Variants in FHIT observed in about 807,000 individuals in gnomAD.
FHIT encodes the protein bis(5'-adenosyl)-triphosphatase.
Under a neutral mutation model 17.9 loss-of-function variants are expected in FHIT, and 19 were observed. The ratio of observed to expected loss-of-function variants is 1.06; its 90% CI spans 0.74 to 1.56. FHIT has a LOEUF of 1.56. FHIT is among the 40% of genes most tolerant of loss of function. FHIT has a pLI of 0.00. For synonymous variants in FHIT, 81 were observed against 69.7 expected (o/e 1.16, Z -0.81); for missense variants, 248 against 189.2 (o/e 1.31, Z -1.82).
chr3:60,343,268 G>C (rs1710615519), intron 5 of FHIT, among the ~76,000 whole-genome samples: 5 of 152,094 alleles, frequency 3.3e-5, no homozygotes, highest in African/African-American at 7.2e-5. Flanking sequence ...CTGCAATTCT[G>C]CAAGTGTAGG....
intron 7 of FHIT, among the ~76,000 whole-genome samples, chr3:59,936,125 G>C (rs926902279): frequency 6.6e-6 from 1 of 152,042 alleles, no homozygotes; most frequent in Admixed American, 6.5e-5. Context: ...GGATATATTT[G>C]TTCTTCAGTA....
At chr3:60,778,255 G>C (rs952606189) in intron 4 of FHIT, among the ~76,000 whole-genome samples, 3 of 152,122 alleles carry the variant, frequency 2.0e-5, no homozygotes, top group African/African-American at 7.2e-5. Context: ...TGTCAGTCGT[G>C]TTTCTAATTG....
chr3:60,614,939 C>A (rs1282195501), intron 4 of FHIT, among the ~76,000 whole-genome samples: 1 of 148,062 alleles, frequency 6.8e-6, no homozygotes, highest in Non-Finnish European at 1.5e-5. Context: ...AAGCAATTCT[C>A]CTGCCTCAGT....
intron 7 of FHIT, among the ~76,000 whole-genome samples, chr3:59,963,562 T>C (rs1195043992): frequency 6.6e-6 from 1 of 152,128 alleles, no homozygotes; most frequent in African/African-American, 2.4e-5. Context: ...AAAATGAACA[T>C]TCACAGAGCG....
intron 3 of FHIT, among the ~76,000 whole-genome samples, chr3:60,879,326 A>G (rs1398051360): frequency 2.0e-5 from 3 of 152,300 alleles, no homozygotes; most frequent in East Asian, 1.9e-4. Context: ...AGCTGAAGAA[A>G]CTGCATAGAT....
At position 60,656,521 on chromosome 3, in the gene FHIT, C is replaced by T. The variant is rs114155278; in HGVS notation, c.-17-119542G>A. ...CAGACTCTCCATTCAAACGCACATC[C>T]TCCTCCTCTCTCCAAAGGGAATGGA... On this transcript the variant is annotated intron_variant, in intron 4 of 9. Transcript: ENST00000492590. 2.4e-3 allele frequency among the ~76,000 whole-genome samples: 361 copies of T among 152,254 alleles called. 2 individuals are homozygous for T. Among genetic ancestry groups the T allele is most frequent in the African/African-American group, 8.3e-3 (345 of 41,558 alleles).
At chr3:60,738,731 A>G (rs1388583142) in intron 4 of FHIT, among the ~76,000 whole-genome samples, 1 of 152,226 alleles carries the variant, frequency 6.6e-6, no homozygotes, top group Non-Finnish European at 1.5e-5. Flanking sequence ...ATGAGAGAAT[A>G]AGACCTCTGA....
At chr3:61,055,005 T>C (rs1472803285) in intron 2 of FHIT, among the ~76,000 whole-genome samples, 1 of 152,214 alleles carries the variant, frequency 6.6e-6, no homozygotes, top group Admixed American at 6.5e-5. Flanking sequence ...TTCCCTGCTT[T>C]GGAACAGGGC....
chr3:60,971,522 C>CT (rs34982675), intron 3 of FHIT, among the ~76,000 whole-genome samples: 43,225 of 147,974 alleles, frequency 0.29, 6,410 homozygotes, highest in Non-Finnish European at 0.34. Flanking sequence ...CTCCCTCAAT[C>CT]TTTTTTTTTT....
intron 5 of FHIT, among the ~76,000 whole-genome samples, chr3:60,471,817 C>G (rs1003727940): frequency 3.9e-5 from 6 of 152,166 alleles, no homozygotes; most frequent in African/African-American, 1.2e-4. Context: ...CACCCCACCC[C>G]TCTCACATTC....
chr3:61,238,235 T>C (rs1434918840), intron 1 of FHIT, among the ~76,000 whole-genome samples: 2 of 152,222 alleles, frequency 1.3e-5, no homozygotes, highest in African/African-American at 4.8e-5. Context: ...GGATGAAGTC[T>C]GCAGTTTCTG....
chr3:60,517,028 CAG>C (rs1251408305), intron 5 of FHIT, among the ~76,000 whole-genome samples: 4 of 152,272 alleles, frequency 2.6e-5, no homozygotes, highest in South Asian at 2.1e-4. Context: ...TCACATCAGA[CAG>C]GGGAAATTCT....
chr3:60,137,089 T>C (rs1393449250), intron 5 of FHIT, among the ~76,000 whole-genome samples: 2 of 152,186 alleles, frequency 1.3e-5, no homozygotes, highest in African/African-American at 2.4e-5. Flanking sequence ...AATACACAGG[T>C]AGTAAGAACT....
chr3:60,368,547 C>T (rs1700200678), intron 5 of FHIT, among the ~76,000 whole-genome samples: 1 of 152,086 alleles, frequency 6.6e-6, no homozygotes, highest in South Asian at 2.1e-4. Context: ...CATATATACA[C>T]ACACATATGT....
chr3:60,742,876 A>G (rs1423393428), intron 4 of FHIT, among the ~76,000 whole-genome samples: 2 of 152,234 alleles, frequency 1.3e-5, no homozygotes, highest in Non-Finnish European at 1.5e-5. Context: ...CCTCATAAAG[A>G]GATGGAGATG....
At chr3:60,787,657 A>T (rs1700628222) in intron 4 of FHIT, among the ~76,000 whole-genome samples, 1 of 152,184 alleles carries the variant, frequency 6.6e-6, no homozygotes, top group Non-Finnish European at 1.5e-5. Flanking sequence ...TGTGTTTGTG[A>T]ATTTGCCCAC....
chr3:60,078,625 G>T (rs1432808559), intron 5 of FHIT, among the ~76,000 whole-genome samples: 2 of 152,074 alleles, frequency 1.3e-5, no homozygotes, highest in African/African-American at 2.4e-5. Context: ...ACCAGAAATA[G>T]CTTTATATCA....
chr3:60,211,586 A>G (rs1446553137), intron 5 of FHIT, among the ~76,000 whole-genome samples: 2 of 152,194 alleles, frequency 1.3e-5, no homozygotes, highest in African/African-American at 4.8e-5. Context: ...ATACATAACA[A>G]TTTAAAGGAA....
At chr3:59,875,502 T>C (rs1703111982) in intron 8 of FHIT, among the ~76,000 whole-genome samples, 1 of 152,202 alleles carries the variant, frequency 6.6e-6, no homozygotes, top group Non-Finnish European at 1.5e-5. Flanking sequence ...ATAGGGAAAA[T>C]GTCCTGTGAT....
Sources: allele counts gnomAD v4.1 joint callset (sites outside exome capture counted in the v4.1 genomes callset), GRCh38; gene constraint gnomAD v4.1.1; transcripts MANE v1.5; gene names NCBI Gene and HGNC (gene_info 2026-07-23, HGNC 2026-07-21).